Variants in TGFBR3 observed in about 807,000 individuals in gnomAD.
The protein encoded by TGFBR3 is transforming growth factor beta receptor type 3.
In TGFBR3, 46 loss-of-function variants were observed where a neutral mutation model predicts 87.9. That is an observed-to-expected ratio of 0.52 (90% CI 0.41 to 0.67). The LOEUF is 0.67. Among genes scored for constraint, TGFBR3 ranks in the 30% least tolerant of loss-of-function variants. The pLI is 0.00. For synonymous variants in TGFBR3, 381 were observed against 391.6 expected (o/e 0.97, Z 0.32); for missense variants, 866 against 1,041.9 (o/e 0.83, Z 2.32).
At chr1:91,756,496 T>C (rs1334403251) in intron 4 of TGFBR3, among the ~76,000 whole-genome samples, 1 of 133,732 alleles carries the variant, frequency 7.5e-6, no homozygotes, top group African/African-American at 2.8e-5. Context: ...GTTCTTCATC[T>C]ATAAGAAAGG....
chr1:91,757,175 C>T lies in TGFBR3; in HGVS notation c.384+1438G>A, dbSNP rs1057318209. On this transcript the variant is annotated intron_variant, in intron 4 of 16. Coordinates refer to ENST00000212355, the MANE Select transcript of TGFBR3 (RefSeq NM_003243.5). ...GGCTCCCCAGCCTTTCTCTGTCTTT[C>T]ATGACTGATACTTTTGAAGATTATA... Among the ~76,000 whole-genome samples, 12 of 152,266 alleles carry T rather than the reference C, an allele frequency of 7.9e-5. No individual in the cohort carries two copies. The Middle Eastern group carries it at 0.014, about 173-fold the overall frequency.
At chr1:91,897,942 C>T (rs941678535) in intron 2 of TGFBR3, among the ~76,000 whole-genome samples, 1 of 151,794 alleles carries the variant, frequency 6.6e-6, no homozygotes, top group African/African-American at 2.4e-5. Flanking sequence ...AATCCCAGGA[C>T]TTTGGGAGCC....
At chr1:91,778,697 G>C (rs1213938005) in intron 3 of TGFBR3, among the ~76,000 whole-genome samples, 1 of 152,168 alleles carries the variant, frequency 6.6e-6, no homozygotes, top group Non-Finnish European at 1.5e-5. Flanking sequence ...TTTCTTGACT[G>C]CTTACTATGT....
chr1:91,687,197 T>G (rs1671115472), intron 16 of TGFBR3, among the ~76,000 whole-genome samples: 1 of 152,108 alleles, frequency 6.6e-6, no homozygotes, highest in Non-Finnish European at 1.5e-5. Context: ...GTGCAGTCAC[T>G]TACAGTGCCA....
At position 91,878,955 on chromosome 1, in the gene TGFBR3, T is replaced by C. The variant is rs72971046; in HGVS notation, c.-114+6923A>G. On this transcript the variant is annotated intron_variant, in intron 1 of 16. Coordinates refer to ENST00000212355, the MANE Select transcript of TGFBR3 (RefSeq NM_003243.5). ...TAACATTTCAGACTTAATTCTAAAT[T>C]ATCTTGGCAACAGTTTAACATTAAA... is the stretch of plus-strand genomic sequence containing the variant. Among the ~76,000 whole-genome samples the C allele has an allele frequency of 3.9e-3, 587 of 152,264 alleles. 4 individuals are homozygous for C. The highest frequency in any genetic ancestry group is 0.014 in the African/African-American group (568 of 41,558).
At chr1:91,781,605 T>C (rs1322291735) in intron 3 of TGFBR3, among the ~76,000 whole-genome samples, 2 of 152,182 alleles carry the variant, frequency 1.3e-5, no homozygotes, top group African/African-American at 4.8e-5. Flanking sequence ...ATGTAGGACG[T>C]ATACACAGTA....
Position 91,681,299 on chromosome 1 carries a change from C to A in TGFBR3, c.*2440G>T, listed in dbSNP as rs1466927950. ...TTTCAGAAATACTTAACGACATTCA[C>A]TCTCCAATATGAGATTAGGTTTTAT... On this transcript the variant is annotated 3_prime_UTR_variant, in exon 17 of 17. Coordinates refer to ENST00000212355, the MANE Select transcript of TGFBR3 (RefSeq NM_003243.5). 2 of 445,322 alleles carry A rather than the reference C, an allele frequency of 4.5e-6. No individual in the cohort carries two copies. The highest frequency in any genetic ancestry group is 4.9e-5 in the Admixed American group (2 of 41,070). 27.6% of individuals were successfully genotyped at this position (445,322 alleles called of 1,614,324 possible).
intron 3 of TGFBR3, among the ~76,000 whole-genome samples, chr1:91,762,580 A>C (rs1674011165): frequency 6.6e-6 from 1 of 152,224 alleles, no homozygotes; most frequent in South Asian, 2.1e-4. Context: ...AGCCTAATCC[A>C]AGAGTTCCTG....
rs1449723045 is a variant in TGFBR3, at chr1:91,680,751, G to A, written c.*2988C>T. ...TCATTCAAACCATGAGGTAGTTACA[G>A]TACAAAAAGACTGGCACGCGTGTGA... is the stretch of plus-strand genomic sequence containing the variant. On this transcript the variant is annotated 3_prime_UTR_variant, in exon 17 of 17. Coordinates refer to ENST00000212355, the MANE Select transcript of TGFBR3 (RefSeq NM_003243.5). 1 of 454,036 alleles carries A rather than the reference G, an allele frequency of 2.2e-6. No homozygotes were observed. The highest frequency in any genetic ancestry group is 2.3e-5 in the Admixed American group (1 of 42,572). 28.1% of individuals were successfully genotyped at this position (454,036 alleles called of 1,614,324 possible).
At chr1:91,758,281 TTACAATATTTACA>T in intron 4 of TGFBR3, among the ~76,000 whole-genome samples, 1 of 152,142 alleles carries the variant, frequency 6.6e-6, no homozygotes, top group African/African-American at 2.4e-5. Flanking sequence ...CGGTAGCCAG[TTACAATATTTACA>T]GGGCTCCTGA....
chr1:91,724,103 G>A (rs2100793816), intron 7 of TGFBR3, among the ~76,000 whole-genome samples: 1 of 152,262 alleles, frequency 6.6e-6, no homozygotes, highest in South Asian at 2.1e-4. Flanking sequence ...ATATGCAAAG[G>A]AACCAGACAG....
chr1:91,861,466 C>T lies in TGFBR3; in HGVS notation c.61+5G>A. The T allele has an allele frequency of 6.2e-7, 1 of 1,606,050 alleles. No homozygotes were observed. Among genetic ancestry groups the T allele is most frequent in the Non-Finnish European group, 8.5e-7 (1 of 1,172,756 alleles). ...CAAATATGCAATTTATATTATGCAACTTACCTGCAGTGGCTAAACAGGAGC... is the reference window on the plus strand; with the variant it reads ...CAAATATGCAATTTATATTATGCAATTTACCTGCAGTGGCTAAACAGGAGC... On this transcript the variant is annotated splice_donor_5th_base_variant and intron_variant, in intron 2 of 16. Coordinates refer to ENST00000212355, the MANE Select transcript of TGFBR3 (RefSeq NM_003243.5).
At chr1:91,893,419 G>T (rs1282766618) in intron 2 of TGFBR3, among the ~76,000 whole-genome samples, 1 of 152,050 alleles carries the variant, frequency 6.6e-6, no homozygotes, top group Non-Finnish European at 1.5e-5. Flanking sequence ...AAGTGGCTGG[G>T]ATTACAGGCA....
At chr1:91,829,560 C>T (rs1188726323) in intron 2 of TGFBR3, among the ~76,000 whole-genome samples, 1 of 152,106 alleles carries the variant, frequency 6.6e-6, no homozygotes, top group African/African-American at 2.4e-5. Context: ...GCACCCAGAA[C>T]ATAGCAGTCC....
At chr1:91,884,676 G>A (rs571604604) in intron 1 of TGFBR3, among the ~76,000 whole-genome samples, 2 of 152,298 alleles carry the variant, frequency 1.3e-5, no homozygotes, top group African/African-American at 2.4e-5. Flanking sequence ...GTAAAATAGG[G>A]TTATTAATAG....
intron 5 of TGFBR3, among the ~76,000 whole-genome samples, chr1:91,730,395 T>A (rs530253375): frequency 1.3e-5 from 2 of 152,260 alleles, no homozygotes; most frequent in South Asian, 4.2e-4. Context: ...TAGATTCCAA[T>A]ATAAACCAAG....
chr1:91,697,957 G>A (rs2100722164), intron 15 of TGFBR3, 132 bp downstream of exon 15: 1 of 823,140 alleles, frequency 1.2e-6, no homozygotes, highest in East Asian at 2.5e-5. Context: ...AAGGGGAAAG[G>A]GGAAGGGGGA....
At chr1:91,850,911 G>A (rs1464068489) in intron 2 of TGFBR3, among the ~76,000 whole-genome samples, 2 of 152,090 alleles carry the variant, frequency 1.3e-5, no homozygotes, top group Non-Finnish European at 2.9e-5. Context: ...AAGGAAGGGA[G>A]GTGTTACTCA....
chr1:91,787,902 T>C (rs1675027530), intron 3 of TGFBR3, among the ~76,000 whole-genome samples: 2 of 148,238 alleles, frequency 1.3e-5, no homozygotes, highest in Admixed American at 6.7e-5. Flanking sequence ...CGCACCACTA[T>C]ACTCCAGCCT....
Sources: gnomAD v4.1 joint callset for allele counts (sites outside exome capture counted in the v4.1 genomes callset) on GRCh38, gnomAD v4.1.1 for gene constraint, MANE v1.5 for transcripts, NCBI Gene and HGNC (gene_info 2026-07-23, HGNC 2026-07-21) for gene names.